PALS2: variants seen among roughly 807,000 people sequenced by gnomAD.
The protein encoded by PALS2 is protein PALS2.
In PALS2, 27 loss-of-function variants were observed where a neutral mutation model predicts 61.6. The observed-to-expected ratio is 0.44, with a 90% confidence interval of 0.32 to 0.60. The LOEUF (loss-of-function observed/expected upper bound fraction) is 0.60, where lower values mean the gene tolerates loss of function less well. Among genes scored for constraint, PALS2 ranks in the 20% least tolerant of loss-of-function variants. The probability of loss-of-function intolerance (pLI) is 0.05; values close to 1 mark genes in which losing one functional copy is unlikely to be tolerated. For synonymous variants in PALS2, 236 were observed against 218.6 expected (o/e 1.08, Z -0.70); for missense variants, 554 against 639.4 (o/e 0.87, Z 1.44).
At chr7:24,619,291 TTTTG>T (rs1261482281) in intron 1 of PALS2, among the ~76,000 whole-genome samples, 1 of 152,200 alleles carries the variant, frequency 6.6e-6, no homozygotes, top group Non-Finnish European at 1.5e-5. Context: ...AGGCTCATGC[TTTTG>T]TTTGTTGAAT....
At chr7:24,634,698 G>A (rs369295316) in intron 2 of PALS2, among the ~76,000 whole-genome samples, 37 of 152,232 alleles carry the variant, frequency 2.4e-4, no homozygotes, top group African/African-American at 8.2e-4. Context: ...TTTAGGTGTT[G>A]GATCCATTTT....
intron 9 of PALS2, among the ~76,000 whole-genome samples, chr7:24,676,631 GAAT>G (rs1787610840): frequency 6.6e-6 from 1 of 152,018 alleles, no homozygotes; most frequent in African/African-American, 2.4e-5. Flanking sequence ...ATTAAATAGG[GAAT>G]CCTTTCCCCA....
rs1376414859 is a variant in PALS2 at position 24,693,277 on chromosome 7, A to G, written c.*5663A>G. The G allele has an allele frequency of 6.6e-6, 1 of 152,196 alleles. No homozygotes were observed. Among genetic ancestry groups the G allele is most frequent in the African/African-American group, 2.4e-5 (1 of 41,458 alleles). 9.4% of individuals were successfully genotyped at this position (152,196 alleles called of 1,614,324 possible). A position where few individuals can be genotyped will look rare whatever the true frequency, so the allele number is the denominator to read the frequency against. Reference sequence around the variant, plus strand: ...CTTAAAATTGGAAATAGATGTCTTTATTGTACTTCAGCCAACAGCAAGCCA... The same window carrying G: ...CTTAAAATTGGAAATAGATGTCTTTGTTGTACTTCAGCCAACAGCAAGCCA... On this transcript the variant is annotated 3_prime_UTR_variant, in exon 12 of 12. Transcript: ENST00000222644.
chr7:24,631,849 G>T (rs2190439), intron 2 of PALS2, among the ~76,000 whole-genome samples: 4 of 152,032 alleles, frequency 2.6e-5, no homozygotes, highest in South Asian at 4.1e-4. Context: ...TTAAATTAAG[G>T]TATGTATATT....
intron 9 of PALS2, among the ~76,000 whole-genome samples, chr7:24,677,294 A>T (rs1379886469): frequency 1.3e-5 from 2 of 152,072 alleles, no homozygotes; most frequent in African/African-American, 4.8e-5. Flanking sequence ...GGTTTTCTAG[A>T]TATACAATCA....
intron 10 of PALS2, among the ~76,000 whole-genome samples, chr7:24,679,968 A>G (rs960676332): frequency 2.0e-5 from 3 of 152,186 alleles, no homozygotes; most frequent in African/African-American, 7.2e-5. Context: ...AAATAGAACT[A>G]TTCCTTGGAG....
chr7:24,630,932 C>T (rs1402212217), intron 2 of PALS2, among the ~76,000 whole-genome samples: 1 of 152,178 alleles, frequency 6.6e-6, no homozygotes, highest in Non-Finnish European at 1.5e-5. Context: ...CACACTTGGT[C>T]ACCCAAGAGC....
At chr7:24,606,523 A>G (rs934585056) in intron 1 of PALS2, among the ~76,000 whole-genome samples, 121 of 152,308 alleles carry the variant, frequency 7.9e-4, no homozygotes, top group Non-Finnish European at 1.4e-3. Context: ...TTAGTCAGAA[A>G]GAGATGGTTG....
At chr7:24,675,874 T>C (rs36198390) in intron 9 of PALS2, among the ~76,000 whole-genome samples, 44,779 of 113,272 alleles carry the variant, frequency 0.4, 11,097 homozygotes, top group African/African-American at 0.73. Flanking sequence ...GTCTTTATAG[T>C]AGCATGATTT....
chr7:24,603,234 G>C lies in PALS2; in HGVS notation c.-2-20432G>C, dbSNP rs572208922. The stretch of plus-strand genomic sequence containing the variant: ...ATAGCAGCCTGAATTAACTGAGACA[G>C]TGAGCTTAGGACTAGCTGAGAAAAC... On this transcript the variant is annotated intron_variant, in intron 1 of 11. Coordinates refer to ENST00000222644, the MANE Select transcript of PALS2 (RefSeq NM_001303037.2). Among the ~76,000 whole-genome samples, 13 of 152,340 alleles carry C rather than the reference G, an allele frequency of 8.5e-5. No homozygotes were observed. In the South Asian group the frequency reaches 2.7e-3, roughly 32 times the overall value.
At chr7:24,667,760 G>C (rs1195797740) in intron 8 of PALS2, among the ~76,000 whole-genome samples, 1 of 149,684 alleles carries the variant, frequency 6.7e-6, no homozygotes, top group Non-Finnish European at 1.5e-5. Flanking sequence ...TGCTTCCTGG[G>C]TTCAAGTGAT....
chr7:24,616,422 A>C (rs1284844176), intron 1 of PALS2, among the ~76,000 whole-genome samples: 3 of 152,146 alleles, frequency 2.0e-5, no homozygotes, highest in African/African-American at 4.8e-5. Context: ...AAAATCAAGA[A>C]AGCCATTATA....
intron 3 of PALS2, among the ~76,000 whole-genome samples, chr7:24,647,090 A>G (rs1373514560): frequency 1.3e-5 from 2 of 150,198 alleles, no homozygotes; most frequent in African/African-American, 4.9e-5. Context: ...TTTTTCAAAA[A>G]CCCAACTCCT....
intron 1 of PALS2, among the ~76,000 whole-genome samples, chr7:24,621,387 A>G (rs372550979): frequency 6.6e-6 from 1 of 152,162 alleles, no homozygotes; most frequent in African/African-American, 2.4e-5. Context: ...TTAGAAAAAT[A>G]CTGGTAAAAA....
At chr7:24,679,100 T>C in intron 9 of PALS2, 31 bp from the exon 10 acceptor site, 1 of 1,598,328 alleles carries the variant, frequency 6.3e-7, no homozygotes, top group Non-Finnish European at 8.6e-7. Context: ...AAAATTTCTT[T>C]GTACAAAAAT....
Position 24,663,579 on chromosome 7 carries a change from A to C in PALS2, c.652-11A>C, listed in dbSNP as rs112315224. On this transcript the variant is annotated splice_polypyrimidine_tract_variant and intron_variant, in intron 5 of 11. Transcript: ENST00000222644. ...CAACTATAGTATTTTTAATTGTGCTATGTGTTTTAGGTATTTGTGAAGTGT... is the reference window on the plus strand; with the variant it reads ...CAACTATAGTATTTTTAATTGTGCTCTGTGTTTTAGGTATTTGTGAAGTGT... 2.3e-4 allele frequency: 368 copies of C among 1,574,154 alleles called. No individual in the cohort carries two copies. Among genetic ancestry groups the C allele is most frequent in the Non-Finnish European group, 2.9e-4 (335 of 1,154,644 alleles).
chr7:24,641,228 G>T (rs939970277), intron 2 of PALS2, among the ~76,000 whole-genome samples: 2 of 151,938 alleles, frequency 1.3e-5, no homozygotes, highest in Non-Finnish European at 2.9e-5. Flanking sequence ...AACATTGGAA[G>T]ATAGGAGCTT....
chr7:24,626,747 G>A lies in PALS2; in HGVS notation c.117+2963G>A, dbSNP rs1022277571. 1.1e-4 allele frequency among the ~76,000 whole-genome samples: 16 copies of A among 152,096 alleles called. No individual in the cohort carries two copies. The Middle Eastern group carries it at 0.014, about 129-fold the overall frequency. ...GATCCTAATCTCTGATAAAACAGAC[G>A]TTAAACCAACAAAGATCAAAAAAGA... On this transcript the variant is annotated intron_variant, in intron 2 of 11. Transcript: ENST00000222644.
chr7:24,686,473 GT>G (rs1323804944), intron 11 of PALS2, among the ~76,000 whole-genome samples: 2 of 152,134 alleles, frequency 1.3e-5, no homozygotes, highest in African/African-American at 4.8e-5. Flanking sequence ...TTGCCCTGCT[GT>G]TTCCTCTGCC....
Sources: allele counts gnomAD v4.1 joint callset (sites outside exome capture counted in the v4.1 genomes callset), GRCh38; gene constraint gnomAD v4.1.1; transcripts MANE v1.5; gene names NCBI Gene and HGNC (gene_info 2026-07-23, HGNC 2026-07-21).